Variants in STIM2 observed in about 807,000 individuals in gnomAD.
STIM2 encodes stromal interaction molecule 2.
A neutral mutation model predicts 85.8 loss-of-function variants in STIM2; 31 were observed. That is an observed-to-expected ratio of 0.36 (90% CI 0.27 to 0.49). The LOEUF (loss-of-function observed/expected upper bound fraction) is 0.49, where lower values mean the gene tolerates loss of function less well. Ranked by LOEUF, STIM2 falls within the 20% of genes least tolerant of loss-of-function variation. The pLI is 0.98. For missense variants in STIM2, 841 were observed against 927.6 expected (o/e 0.91, Z 1.21); for synonymous variants, 356 against 331.1 (o/e 1.08, Z -0.82).
intron 2 of STIM2, among the ~76,000 whole-genome samples, chr4:26,939,757 A>G (rs866519141): frequency 6.6e-6 from 1 of 152,128 alleles, no homozygotes; most frequent in Non-Finnish European, 1.5e-5. Flanking sequence ...GTCTAAGGGC[A>G]TTGTTGACCA....
At chr4:26,869,021 G>T (rs941543777) in intron 1 of STIM2, among the ~76,000 whole-genome samples, 3 of 152,082 alleles carry the variant, frequency 2.0e-5, no homozygotes, top group African/African-American at 4.8e-5. Flanking sequence ...GGGGTCGTAC[G>T]CTGTAGCTTA....
chr4:27,024,366 T>C lies in STIM2; in HGVS notation c.*1370T>C, dbSNP rs1461069678. 6.6e-6 allele frequency: 1 copy of C among 152,214 alleles called. No homozygotes were observed. Among genetic ancestry groups the C allele is most frequent in the African/African-American group, 2.4e-5 (1 of 41,460 alleles). 9.4% of individuals were successfully genotyped at this position (152,214 alleles called of 1,614,324 possible). On this transcript the variant is annotated 3_prime_UTR_variant, in exon 12 of 12. Coordinates refer to ENST00000467087, the MANE Select transcript of STIM2 (RefSeq NM_020860.4). ...AATATGCAATCATAAGTGATTTGGT[T>C]ACTGCAATGCAGATGGATGTTTGGA...
In STIM2 at chr4:26,957,694, A is replaced by C; in HGVS notation, c.365A>C (p.Glu122Ala). The C allele has an allele frequency of 6.3e-7, 1 of 1,597,824 alleles. No individual in the cohort carries two copies. Among genetic ancestry groups the C allele is most frequent in the African/African-American group, 1.4e-5 (1 of 73,926 alleles). The change falls in exon 3 of 12, where the codon GAG becomes GCG. Residue 122 changes from glutamate to alanine, a missense_variant. Physicochemically the swap from Glu to Ala is moderately radical, Grantham distance 107. This residue lies in a region of STIM2 where 408 missense variants were observed against 525.4 expected (regional missense o/e 0.78). Coordinates refer to ENST00000467087, the MANE Select transcript of STIM2 (RefSeq NM_020860.4). ...AGAGAAGATAAACATATAACGATTG[A>C]GGATTTATGGAAACGATGGAAAACA...
At chr4:26,916,202 A>G (rs1460050983) in intron 1 of STIM2, among the ~76,000 whole-genome samples, 1 of 152,254 alleles carries the variant, frequency 6.6e-6, no homozygotes, top group South Asian at 2.1e-4. Context: ...AATAGAGTTC[A>G]GAATTCACAG....
Position 27,008,485 on chromosome 4 carries a change from A to G in STIM2, c.1207A>G (p.Ser403Gly). The change falls in exon 9 of 12, where the codon AGC becomes GGC. Residue 403 changes from serine to glycine, a missense_variant. Physicochemically the swap from Ser to Gly is moderately conservative, Grantham distance 56 (BLOSUM62 0). Transcript: ENST00000467087. ...CTTTGGGACTCTGCACGTTGCACACAGCTCCTCCCTAGATGAGGTAGACCA... is the reference window on the plus strand; with the variant it reads ...CTTTGGGACTCTGCACGTTGCACACGGCTCCTCCCTAGATGAGGTAGACCA... 2 of 1,604,978 alleles carry G rather than the reference A, an allele frequency of 1.2e-6. No individual in the cohort carries two copies. Among genetic ancestry groups the G allele is most frequent in the Non-Finnish European group, 1.7e-6 (2 of 1,176,156 alleles).
intron 2 of STIM2, among the ~76,000 whole-genome samples, chr4:26,923,568 A>G (rs1268356524): frequency 3.6e-5 from 5 of 139,124 alleles, no homozygotes; most frequent in Non-Finnish European, 7.7e-5. Context: ...GCCGCTGCAA[A>G]ATCATGCCAA....
intron 2 of STIM2, among the ~76,000 whole-genome samples, chr4:26,950,626 C>T (rs1726013298): frequency 6.6e-6 from 1 of 152,136 alleles, no homozygotes; most frequent in Non-Finnish European, 1.5e-5. Context: ...GATGCTGGTG[C>T]CTTGATTTGG....
At chr4:26,937,927 A>T (rs866929684) in intron 2 of STIM2, among the ~76,000 whole-genome samples, 1 of 152,176 alleles carries the variant, frequency 6.6e-6, no homozygotes, top group Non-Finnish European at 1.5e-5. Flanking sequence ...TTCTACTAAC[A>T]TGACGGAAAC....
At chr4:26,867,576 C>T (rs966587570) in intron 1 of STIM2, among the ~76,000 whole-genome samples, 3 of 152,136 alleles carry the variant, frequency 2.0e-5, no homozygotes, top group Admixed American at 6.5e-5. Context: ...GAAGTCTCTC[C>T]GACCCCTTAG....
chr4:26,957,441 T>C (rs908950238), intron 2 of STIM2, among the ~76,000 whole-genome samples, 171 bp from the exon 3 acceptor site: 44 of 152,192 alleles, frequency 2.9e-4, no homozygotes, highest in African/African-American at 1.0e-3. Flanking sequence ...AGAAGACATT[T>C]CATTAAATAC....
intron 1 of STIM2, among the ~76,000 whole-genome samples, chr4:26,902,320 G>A (rs1185998125): frequency 2.0e-5 from 3 of 152,108 alleles, no homozygotes; most frequent in African/African-American, 7.2e-5. Context: ...ATTTTCTCAC[G>A]CTGTCAGAAA....
At chr4:26,911,231 AAAAT>A (rs34059197) in intron 1 of STIM2, among the ~76,000 whole-genome samples, 18,505 of 150,874 alleles carry the variant, frequency 0.12, 1,873 homozygotes, top group African/African-American at 0.28. Flanking sequence ...TGTGTCTCAA[AAAAT>A]AAATAAATAA....
intron 1 of STIM2, among the ~76,000 whole-genome samples, chr4:26,900,312 C>T (rs954704167): frequency 2.0e-5 from 3 of 152,076 alleles, no homozygotes; most frequent in African/African-American, 7.2e-5. Context: ...TTGACTTTAG[C>T]AGGTACATAG....
intron 2 of STIM2, among the ~76,000 whole-genome samples, chr4:26,950,098 A>T (rs951813877): frequency 5.3e-5 from 8 of 152,178 alleles, no homozygotes; most frequent in African/African-American, 1.9e-4. Context: ...CATATAACAC[A>T]TAATCTTATC....
At chr4:26,885,857 A>ATATATG (rs1723214495) in intron 1 of STIM2, among the ~76,000 whole-genome samples, 1 of 67,816 alleles carries the variant, frequency 1.5e-5, no homozygotes, top group South Asian at 3.7e-4. Context: ...ATATATATAT[A>ATATATG]TATATATATA....
intron 3 of STIM2, among the ~76,000 whole-genome samples, chr4:26,975,798 G>A (rs537670410): frequency 9.8e-5 from 15 of 152,358 alleles, no homozygotes; most frequent in Non-Finnish European, 2.2e-4. Context: ...GTCAGACAGG[G>A]ACATTTAAGT....
intron 2 of STIM2, among the ~76,000 whole-genome samples, chr4:26,952,131 G>A (rs891331695): frequency 5.3e-5 from 8 of 152,110 alleles, no homozygotes; most frequent in Non-Finnish European, 5.9e-5. Flanking sequence ...CCCACAACAG[G>A]TGGGAATTAT....
chr4:26,889,209 G>A (rs1231647949), intron 1 of STIM2, among the ~76,000 whole-genome samples: 1 of 152,184 alleles, frequency 6.6e-6, no homozygotes. Flanking sequence ...ATTGGATGCT[G>A]ATTTAGAGCA....
chr4:26,975,936 C>T (rs1727168256), intron 3 of STIM2, among the ~76,000 whole-genome samples: 1 of 152,196 alleles, frequency 6.6e-6, no homozygotes, highest in South Asian at 2.1e-4. Context: ...CTTTGTTTAC[C>T]TATTCAAGCC....
Sources: gnomAD v4.1 joint callset for allele counts (sites outside exome capture counted in the v4.1 genomes callset) on GRCh38, gnomAD v4.1.1 for gene constraint, gnomAD v4.1.1 regional missense constraint, MANE v1.5 for transcripts, NCBI Gene and HGNC (gene_info 2026-07-23, HGNC 2026-07-21) for gene names.